DNAJC5: variants seen among roughly 807,000 people sequenced by gnomAD.
The protein encoded by DNAJC5 is DnaJ heat shock protein family (Hsp40) member C5.
DNAJC5 carries 1 observed loss-of-function variant against 23.2 expected under a neutral mutation model. That is an observed-to-expected ratio of 0.04 (90% CI 0.02 to 0.20). The LOEUF (loss-of-function observed/expected upper bound fraction) is 0.20, where lower values mean the gene tolerates loss of function less well. Among genes scored for constraint, DNAJC5 ranks in the 10% least tolerant of loss-of-function variants. The pLI, the probability that DNAJC5 is intolerant of heterozygous loss-of-function variation, is 1.00. For synonymous variants in DNAJC5, 136 were observed against 120.0 expected (o/e 1.13, Z -0.87); for missense variants, 180 against 267.0 (o/e 0.67, Z 2.27).
chr20:63,896,746 A>C (rs2053378187), intron 1 of DNAJC5, among the ~76,000 whole-genome samples: 2 of 152,104 alleles, frequency 1.3e-5, no homozygotes, highest in Admixed American at 1.3e-4. Flanking sequence ...ATCATACTTA[A>C]TATTTTACTG....
chr20:63,927,315 A>G (rs900713257), intron 1 of DNAJC5, among the ~76,000 whole-genome samples: 1 of 152,116 alleles, frequency 6.6e-6, no homozygotes, highest in Non-Finnish European at 1.5e-5. Flanking sequence ...TCGGGAGTTC[A>G]GCCTGAGGTC....
chr20:63,921,606 G>T (rs1471149902), intron 1 of DNAJC5, among the ~76,000 whole-genome samples: 1 of 138,988 alleles, frequency 7.2e-6, no homozygotes, highest in East Asian at 2.5e-4. Flanking sequence ...AAAAAAAAAA[G>T]AGTTCTGACT....
At chr20:63,924,120 C>G (rs554082577) in intron 1 of DNAJC5, among the ~76,000 whole-genome samples, 1 of 152,054 alleles carries the variant, frequency 6.6e-6, no homozygotes, top group Non-Finnish European at 1.5e-5. Context: ...AGGGTAAATT[C>G]TCTAACTTTT....
chr20:63,912,045 G>A (rs1234057668), intron 1 of DNAJC5, among the ~76,000 whole-genome samples: 1 of 152,070 alleles, frequency 6.6e-6, no homozygotes, highest in Non-Finnish European at 1.5e-5. Context: ...GCTCATATCT[G>A]TAATCCCATC....
Position 63,910,430 on chromosome 20 carries a change from C to T in DNAJC5, c.-12+15107C>T, listed in dbSNP as rs564798222. ...TGGTTGCGAGTGCCTGTAGTCCCAG[C>T]TACTCGGGAGGCTGAGGCAGGAGAA... On this transcript the variant is annotated intron_variant, in intron 1 of 4. Coordinates refer to ENST00000360864, the MANE Select transcript of DNAJC5 (RefSeq NM_025219.3). 2.0e-5 allele frequency among the ~76,000 whole-genome samples: 3 copies of T among 151,968 alleles called. No individual in the cohort carries two copies. The South Asian group carries it at 6.2e-4, about 32-fold the overall frequency.
intron 1 of DNAJC5, among the ~76,000 whole-genome samples, chr20:63,927,544 C>G (rs1022600596): frequency 4.7e-5 from 7 of 149,494 alleles, no homozygotes; most frequent in Non-Finnish European, 7.4e-5. Flanking sequence ...GTCCCCCCCC[C>G]CAAAAAAGAA....
intron 1 of DNAJC5, among the ~76,000 whole-genome samples, chr20:63,917,478 C>A (rs540083052): frequency 1.3e-5 from 2 of 152,284 alleles, no homozygotes; most frequent in South Asian, 4.1e-4. Flanking sequence ...GTCTCAAACT[C>A]CTGAGCTCAA....
In DNAJC5 at chr20:63,929,909, G is replaced by A. The variant is rs559025777; in HGVS notation, c.321+384G>A. Among the ~76,000 whole-genome samples the A allele has an allele frequency of 1.1e-4, 17 of 152,224 alleles. No homozygotes were observed. The highest frequency in any genetic ancestry group is 1.9e-4 in the Non-Finnish European group (13 of 68,044). On this transcript the variant is annotated intron_variant, in intron 3 of 4. Transcript: ENST00000360864. The surrounding 1 kb of genome is among the most constrained non-coding windows in gnomAD (Gnocchi z 8.6). ...ATGGGCGAAGCTCTGTCACTGGCTT[G>A]GTGTCCTGCCTGGAACAAGCCATAG...
At chr20:63,907,998 G>T (rs1022340706) in intron 1 of DNAJC5, among the ~76,000 whole-genome samples, 5 of 152,124 alleles carry the variant, frequency 3.3e-5, no homozygotes, top group African/African-American at 1.2e-4. Flanking sequence ...GAACTCCTGA[G>T]CTCGTGATCC....
chr20:63,930,973 C>T lies in DNAJC5; in HGVS notation c.444C>T (p.Phe148=), dbSNP rs772254851. ...PKAPEGEETE[F]YVSPEDLEAQ... is the part of the protein sequence containing the mutation. ...CGCCTGAAGGCGAGGAGACGGAGTTCTACGTGTCCCCCGAGGATCTGGAGG... is the reference window on the plus strand; with the variant it reads ...CGCCTGAAGGCGAGGAGACGGAGTTTTACGTGTCCCCCGAGGATCTGGAGG... Residue 148 remains phenylalanine, a synonymous_variant, in exon 4 of 5, where the codon TTC becomes TTT. Transcript: ENST00000360864. The T allele has an allele frequency of 3.0e-5, 49 of 1,614,040 alleles. No individual in the cohort carries two copies. Among genetic ancestry groups the T allele is most frequent in the Admixed American group, 1.8e-4 (11 of 60,010 alleles).
intron 1 of DNAJC5, among the ~76,000 whole-genome samples, chr20:63,923,442 TAA>T (rs574865940): frequency 1.4e-5 from 2 of 141,650 alleles, no homozygotes; most frequent in Non-Finnish European, 3.1e-5. Context: ...ACCTTGTTTC[TAA>T]AAAAAAAAAT....
chr20:63,932,051 C>T lies in DNAJC5; in HGVS notation c.*483C>T, dbSNP rs1488995814. On this transcript the variant is annotated 3_prime_UTR_variant, in exon 5 of 5. Transcript: ENST00000360864. This position sits in a 1 kb window ranked among gnomAD's most constrained non-coding sequence, Gnocchi z 4.4. ...GGGGTCTGGTCCACACTCTGTGCTC[C>T]CAGCCTTGAGGCTGCAGTAGGACTC... 2 of 255,716 alleles carry T rather than the reference C, an allele frequency of 7.8e-6. No individual in the cohort carries two copies. Among genetic ancestry groups the T allele is most frequent in the Non-Finnish European group, 1.6e-5 (2 of 127,626 alleles). The allele number at this position is 255,716 out of a possible 1,614,324, so 15.8% of individuals were successfully genotyped here. A position where few individuals can be genotyped will look rare whatever the true frequency, so the allele number is the denominator to read the frequency against.
intron 1 of DNAJC5, among the ~76,000 whole-genome samples, chr20:63,914,628 TTTTG>T (rs1362612339): frequency 6.7e-6 from 1 of 149,554 alleles, no homozygotes; most frequent in Non-Finnish European, 1.5e-5. Context: ...TTTTTTTTTT[TTTTG>T]GTAGATGGAG....
chr20:63,931,659 GCCTC>G lies in DNAJC5; in HGVS notation c.*93_*96del. On this transcript the variant is annotated 3_prime_UTR_variant, in exon 5 of 5. Transcript: ENST00000360864. This position sits in a 1 kb window ranked among gnomAD's most constrained non-coding sequence, Gnocchi z 9.6. ...CTGTAGTCACAGAGATGGGAAGGCAGCCTCCTGCCTGCCCTGGCCTTGCTGGGGC... is the reference window on the plus strand; with the variant it reads ...CTGTAGTCACAGAGATGGGAAGGCAGCTGCCTGCCCTGGCCTTGCTGGGGC... 2.2e-6 allele frequency: 3 copies of G among 1,345,002 alleles called. No homozygotes were observed. The highest frequency in any genetic ancestry group is 3.1e-6 in the Non-Finnish European group (3 of 972,784). 83.3% of individuals were successfully genotyped at this position (1,345,002 alleles called of 1,614,324 possible).
chr20:63,907,907 G>A (rs1188103431), intron 1 of DNAJC5, among the ~76,000 whole-genome samples: 3 of 152,072 alleles, frequency 2.0e-5, no homozygotes, highest in Admixed American at 6.6e-5. Context: ...CTGGGCCTAC[G>A]GGCATGTGCA....
chr20:63,898,734 G>A (rs2053390146), intron 1 of DNAJC5, among the ~76,000 whole-genome samples: 1 of 152,160 alleles, frequency 6.6e-6, no homozygotes, highest in African/African-American at 2.4e-5. Context: ...CCAGCTACTA[G>A]GGAGGCTGAG....
rs367559926 is a variant in DNAJC5 at position 63,907,924 on chromosome 20, C to T, written c.-12+12601C>T. On this transcript the variant is annotated intron_variant, in intron 1 of 4. Transcript: ENST00000360864. ...GGGCCTACGGGCATGTGCACCATCA[C>T]GCCTGGCTAATTTTTGTATTTTTAG... 3.3e-5 allele frequency among the ~76,000 whole-genome samples: 5 copies of T among 152,258 alleles called. No individual in the cohort carries two copies. In the East Asian group the frequency reaches 7.7e-4, roughly 24 times the overall value.
chr20:63,917,952 C>T (rs1050089126), intron 1 of DNAJC5, among the ~76,000 whole-genome samples: 5 of 152,282 alleles, frequency 3.3e-5, no homozygotes, highest in East Asian at 1.9e-4. Context: ...CTGTGACGGT[C>T]GCCCACTCCT....
At chr20:63,899,442 A>G (rs528419351) in intron 1 of DNAJC5, among the ~76,000 whole-genome samples, 3 of 152,340 alleles carry the variant, frequency 2.0e-5, no homozygotes, top group African/African-American at 7.2e-5. Context: ...TTAATGAGGA[A>G]GTGTGTTCTG....
Sources: allele counts gnomAD v4.1 joint callset (sites outside exome capture counted in the v4.1 genomes callset), GRCh38; gene constraint gnomAD v4.1.1; non-coding constraint Gnocchi (gnomAD v3.1); transcripts MANE v1.5; gene names NCBI Gene and HGNC (gene_info 2026-07-23, HGNC 2026-07-21).